Variants in PPARGC1B observed in about 807,000 individuals in gnomAD.
PPARGC1B encodes the protein peroxisome proliferator-activated receptor gamma coactivator 1-beta.
Under a neutral mutation model 101.6 loss-of-function variants are expected in PPARGC1B, and 34 were observed. The ratio of observed to expected loss-of-function variants is 0.33; its 90% CI spans 0.25 to 0.45. The LOEUF is 0.45. Ranked by LOEUF, PPARGC1B falls within the 20% of genes least tolerant of loss-of-function variation. The pLI is 1.00. For missense variants in PPARGC1B, 1,234 were observed against 1,317.6 expected (o/e 0.94, Z 0.98); for synonymous variants, 548 against 539.3 (o/e 1.02, Z -0.22).
chr5:149,781,470 G>A (rs927457415), intron 1 of PPARGC1B, among the ~76,000 whole-genome samples: 2 of 152,230 alleles, frequency 1.3e-5, no homozygotes, highest in African/African-American at 4.8e-5. Context: ...GAGAATTCCT[G>A]TCTGCCTCTC....
chr5:149,809,277 A>G (rs1169916361), intron 1 of PPARGC1B, among the ~76,000 whole-genome samples: 2 of 57,940 alleles, frequency 3.5e-5, no homozygotes, highest in Admixed American at 1.9e-4. Flanking sequence ...AGATAGATAG[A>G]TCCATCTCTA....
chr5:149,834,770 G>A (rs905862713), intron 6 of PPARGC1B, 60 bp downstream of exon 6: 19 of 1,486,740 alleles, frequency 1.3e-5, no homozygotes, highest in Middle Eastern at 1.7e-4. Flanking sequence ...TTGGATGTGT[G>A]TGTTGGTGGT....
chr5:149,847,279 G>A, intron 11 of PPARGC1B, 179 bp from the exon 12 acceptor site: 1 of 734,964 alleles, frequency 1.4e-6, no homozygotes, highest in East Asian at 2.6e-5. Context: ...CCATGGCCAA[G>A]ATGTCCCAGC....
intron 1 of PPARGC1B, among the ~76,000 whole-genome samples, chr5:149,755,427 C>T (rs905079764): frequency 6.6e-6 from 1 of 151,812 alleles, no homozygotes; most frequent in Non-Finnish European, 1.5e-5. Context: ...CATGGGTGAA[C>T]CCCTAAGAGC....
Position 149,852,559 on chromosome 5 carries a change from A to G in PPARGC1B, c.*5001A>G, listed in dbSNP as rs1020334856. ...ATCTAAGCCATAGTTTCTAGTGGGG[A>G]CAGTAAGGAATTAAACCCCCAACTT... is the stretch of plus-strand genomic sequence containing the variant. On this transcript the variant is annotated 3_prime_UTR_variant, in exon 12 of 12. Transcript: ENST00000309241. 2.0e-5 allele frequency: 3 copies of G among 152,136 alleles called. No homozygotes were observed. Among genetic ancestry groups the G allele is most frequent in the Admixed American group, 6.5e-5 (1 of 15,276 alleles). 9.4% of individuals were successfully genotyped at this position (152,136 alleles called of 1,614,324 possible).
At chr5:149,819,802 C>A (rs1758207343) in intron 1 of PPARGC1B, among the ~76,000 whole-genome samples, 1 of 152,208 alleles carries the variant, frequency 6.6e-6, no homozygotes, top group African/African-American at 2.4e-5. Flanking sequence ...CATGCCCGGC[C>A]CGTGATACGG....
At chr5:149,824,719 G>A (rs2113369814) in intron 2 of PPARGC1B, among the ~76,000 whole-genome samples, 1 of 152,244 alleles carries the variant, frequency 6.6e-6, no homozygotes, top group South Asian at 2.1e-4. Flanking sequence ...AGACTTGTGG[G>A]TAGGGGGTGG....
chr5:149,829,801 C>T (rs769914971), intron 3 of PPARGC1B, among the ~76,000 whole-genome samples: 10 of 151,616 alleles, frequency 6.6e-5, no homozygotes, highest in South Asian at 2.1e-4. Flanking sequence ...TTTGGGAGGC[C>T]GAGGCGGGCA....
At position 149,840,090 on chromosome 5, in the gene PPARGC1B, G is replaced by T. The variant is rs150637009; in HGVS notation, c.2668G>T (p.Ala890Ser). ...CSDRTPSIRHARKRREKAIGE... is the reference protein window; with the variant it reads ...CSDRTPSIRHSRKRREKAIGE... ...AGACAGAACGCCAAGCATCCGGCAC[G>T]CCAGGAAGCGGCGGGAAAAGGCCAT... is the stretch of plus-strand genomic sequence containing the variant. Residue 890 changes from alanine to serine, a missense_variant, in exon 9 of 12, where the codon GCC becomes TCC. Ala to Ser is a moderately conservative substitution (Grantham distance 99). Coordinates refer to ENST00000309241, the MANE Select transcript of PPARGC1B (RefSeq NM_133263.4). 4 of 1,613,720 alleles carry T rather than the reference G, an allele frequency of 2.5e-6. No individual in the cohort carries two copies. The highest frequency in any genetic ancestry group is 2.2e-5 in the South Asian group (2 of 90,994).
At chr5:149,783,305 A>G (rs1272034488) in intron 1 of PPARGC1B, among the ~76,000 whole-genome samples, 1 of 152,178 alleles carries the variant, frequency 6.6e-6, no homozygotes, top group Non-Finnish European at 1.5e-5. Flanking sequence ...AGAGAGTAGC[A>G]TATCAGAGTA....
Position 149,833,865 on chromosome 5 carries a change from A to C in PPARGC1B, c.1705+87A>C. 7.1e-7 allele frequency: 1 copy of C among 1,417,906 alleles called. No individual in the cohort carries two copies. Among genetic ancestry groups the C allele is most frequent in the South Asian group, 1.6e-5 (1 of 61,378 alleles). 87.8% of individuals were successfully genotyped at this position (1,417,906 alleles called of 1,614,324 possible). ...ACTGGGAGCCAGGAGCCCTGTGTTC[A>C]AGTCCCCGTCCCCCAACAAAGTGTT... On this transcript the variant is annotated intron_variant, in intron 5 of 11. Coordinates refer to ENST00000309241, the MANE Select transcript of PPARGC1B (RefSeq NM_133263.4). This position sits in a 1 kb window ranked among gnomAD's most constrained non-coding sequence, Gnocchi z 4.1.
chr5:149,760,337 A>G (rs62382302), intron 1 of PPARGC1B, among the ~76,000 whole-genome samples: 1 of 152,222 alleles, frequency 6.6e-6, no homozygotes, highest in Non-Finnish European at 1.5e-5. Flanking sequence ...CCAGGGGCAC[A>G]GTCTTGGCAT....
At chr5:149,842,215 A>G (rs1288655651) in intron 9 of PPARGC1B, 41 bp from the exon 10 acceptor site, 1 of 1,601,080 alleles carries the variant, frequency 6.2e-7, no homozygotes, top group Non-Finnish European at 8.5e-7. Flanking sequence ...CCAGGAAGCC[A>G]GGCAATGACG....
intron 2 of PPARGC1B, among the ~76,000 whole-genome samples, chr5:149,825,229 A>G (rs1458024892): frequency 6.6e-6 from 1 of 152,234 alleles, no homozygotes; most frequent in Non-Finnish European, 1.5e-5. Context: ...TCATCTGTGC[A>G]TGGGGCACTC....
In PPARGC1B at chr5:149,832,788, A is replaced by C. The variant is rs768357252; in HGVS notation, c.715A>C (p.Ser239Arg). 1.2e-6 allele frequency: 2 copies of C among 1,613,040 alleles called. No individual in the cohort carries two copies. Among genetic ancestry groups the C allele is most frequent in the Non-Finnish European group, 1.7e-6 (2 of 1,179,514 alleles). Residue 239 changes from serine to arginine, a missense_variant, in exon 5 of 12, where the codon AGT (serine) becomes CGT (arginine). Transcript: ENST00000309241. The surrounding 1 kb of genome is among the most constrained non-coding windows in gnomAD (Gnocchi z 4.9). ...GGGTCTGCAGCCACCATGCCTCCAG[A>C]GTCCCCGGCTCCCTGCCAAGGAGGA... ...DRGLQPPCLQ[S>R]PRLPAKEDKE...
chr5:149,836,264 A>G lies in PPARGC1B; in HGVS notation c.1809A>G (p.Gly603=). The G allele has an allele frequency of 1.3e-6, 2 of 1,557,268 alleles. No homozygotes were observed. Among genetic ancestry groups the G allele is most frequent in the Non-Finnish European group, 1.7e-6 (2 of 1,153,098 alleles). ...ACCTTTCTCCTCTTCCTCGGGCAGG[A>G]CTCACCCCACCCACCACACCACCGT... ...TLTVELCGTA[G]LTPPTTPPYK... is the part of the protein sequence containing the mutation. Residue 603 remains glycine (G), a splice_region_variant and synonymous_variant, in exon 8 of 12, where the codon GGA becomes GGG. Transcript: ENST00000309241.
At chr5:149,791,306 A>AT (rs1427823448) in intron 1 of PPARGC1B, among the ~76,000 whole-genome samples, 31 of 143,742 alleles carry the variant, frequency 2.2e-4, no homozygotes, top group African/African-American at 7.4e-4. Flanking sequence ...AAAAAAAAAA[A>AT]TTTCTATTAA....
intron 1 of PPARGC1B, among the ~76,000 whole-genome samples, chr5:149,786,998 T>C (rs1469058457): frequency 1.3e-5 from 2 of 152,214 alleles, no homozygotes; most frequent in Non-Finnish European, 2.9e-5. Flanking sequence ...ATTGGTTCCC[T>C]TAACTGAAAA....
intron 1 of PPARGC1B, among the ~76,000 whole-genome samples, chr5:149,808,229 G>A (rs1757673504): frequency 1.3e-5 from 2 of 152,128 alleles, no homozygotes; most frequent in African/African-American, 4.8e-5. Flanking sequence ...CTACCTTGAT[G>A]ACTGAGTATT....
Sources: gnomAD v4.1 joint callset for allele counts (sites outside exome capture counted in the v4.1 genomes callset) on GRCh38, gnomAD v4.1.1 for gene constraint, Gnocchi (gnomAD v3.1) non-coding constraint, MANE v1.5 for transcripts, NCBI Gene and HGNC (gene_info 2026-07-23, HGNC 2026-07-21) for gene names.